The following MFN1 variants were observed in gnomAD, a reference collection of about 807,000 sequenced individuals.
MFN1 encodes mitofusin 1, also known as mitofusin-1.
MFN1 carries 65 observed loss-of-function variants against 92.4 expected under a neutral mutation model. The ratio of observed to expected loss-of-function variants is 0.70; its 90% CI spans 0.58 to 0.86. The LOEUF is 0.86. Among genes scored for constraint, MFN1 ranks in the 40% least tolerant of loss-of-function variants. The probability of loss-of-function intolerance (pLI) is 0.00; values close to 1 mark genes in which losing one functional copy is unlikely to be tolerated. For synonymous variants in MFN1, 297 were observed against 300.9 expected (o/e 0.99, Z 0.13); for missense variants, 781 against 868.0 (o/e 0.90, Z 1.26).
At position 179,394,408 on chromosome 3, in the gene MFN1, CTTTTTTTTTTTTTTTT is replaced by C. The variant is rs35345400; in HGVS notation, c.*2359_*2374del. ...GGAACAGTAAAATAACGAAAGCCAA[CTTTTTTTTTTTTTTTT>C]TTTTTTTTTGAGACGGAGTCTCGCT... On this transcript the variant is annotated 3_prime_UTR_variant, in exon 18 of 18. Coordinates refer to ENST00000471841, the MANE Select transcript of MFN1 (RefSeq NM_033540.3). 1.2e-5 allele frequency: 1 copy of C among 83,632 alleles called. No individual in the cohort carries two copies. Among genetic ancestry groups the C allele is most frequent in the Admixed American group, 1.7e-4 (1 of 5,894 alleles). The allele number at this position is 83,632 out of a possible 1,614,324, so 5.2% of individuals were successfully genotyped here.
chr3:179,390,954 A>C (rs1713876482), intron 17 of MFN1, among the ~76,000 whole-genome samples: 1 of 152,148 alleles, frequency 6.6e-6, no homozygotes, highest in South Asian at 2.1e-4. Flanking sequence ...CTGACCAACA[A>C]CACGTGTTCA....
At chr3:179,388,634 T>G (rs573513331) in intron 16 of MFN1, among the ~76,000 whole-genome samples, 6 of 152,202 alleles carry the variant, frequency 3.9e-5, no homozygotes, top group African/African-American at 1.4e-4. Flanking sequence ...ATAAGAAATA[T>G]AAGAGAAAGA....
intron 14 of MFN1, among the ~76,000 whole-genome samples, chr3:179,383,509 C>T (rs956924968): frequency 5.3e-5 from 8 of 152,144 alleles, no homozygotes; most frequent in Non-Finnish European, 8.8e-5. Flanking sequence ...TAGCGTGATG[C>T]CTCCAGCTTT....
intron 14 of MFN1, 106 bp from the exon 15 acceptor site, chr3:179,385,463 G>T: frequency 3.1e-6 from 3 of 980,668 alleles, no homozygotes; most frequent in African/African-American, 1.7e-5. Flanking sequence ...ATCATTTAGG[G>T]TAATTTTTCC....
intron 3 of MFN1, among the ~76,000 whole-genome samples, chr3:179,357,081 T>G (rs1337403337): frequency 6.6e-6 from 1 of 152,182 alleles, no homozygotes; most frequent in Admixed American, 6.5e-5. Context: ...CGCATGCTGA[T>G]CCATATCATT....
chr3:179,384,963 T>A (rs2108556339), intron 14 of MFN1, among the ~76,000 whole-genome samples: 1 of 141,700 alleles, frequency 7.1e-6, no homozygotes, highest in Admixed American at 7.8e-5. Flanking sequence ...TGGAGTGCAG[T>A]GGTGCAATCT....
intron 12 of MFN1, among the ~76,000 whole-genome samples, chr3:179,378,053 T>G (rs967720269): frequency 6.6e-6 from 1 of 151,452 alleles, no homozygotes; most frequent in African/African-American, 2.4e-5. Flanking sequence ...AGAGCAAAAC[T>G]CTATCTCAAA....
intron 8 of MFN1, 100 bp from the exon 9 acceptor site, chr3:179,367,934 GTA>G (rs143669422): frequency 0.016 from 6,514 of 399,988 alleles, no homozygotes; most frequent in Middle Eastern, 0.026. Flanking sequence ...GGGGGAAAAA[GTA>G]TATATATATA....
intron 6 of MFN1, 55 bp downstream of exon 6, chr3:179,364,460 T>C: frequency 6.7e-6 from 9 of 1,345,578 alleles, no homozygotes; most frequent in Non-Finnish European, 9.5e-6. Context: ...ATGGTATCTG[T>C]TTTAATTCTG....
At chr3:179,379,841 G>A (rs930621497) in intron 14 of MFN1, among the ~76,000 whole-genome samples, 5 of 152,024 alleles carry the variant, frequency 3.3e-5, no homozygotes, top group African/African-American at 1.2e-4. Context: ...CTAAAAGAAA[G>A]AACAACTTTC....
chr3:179,376,264 C>CG (rs1467699163), intron 10 of MFN1, among the ~76,000 whole-genome samples: 1 of 152,172 alleles, frequency 6.6e-6, no homozygotes, highest in Non-Finnish European at 1.5e-5. Flanking sequence ...GTACAGCCTC[C>CG]GTGTGGCCTC....
In MFN1 at chr3:179,377,468, AAAT is replaced by A. The variant is rs1713286385; in HGVS notation, c.1329+21_1329+23del. ...AAAAGTGTAAGTTAAAGTATAGATA[AAAT>A]TATTCAGAGACAGTTTCTTATTATT... On this transcript the variant is annotated intron_variant, in intron 12 of 17. Coordinates refer to ENST00000471841, the MANE Select transcript of MFN1 (RefSeq NM_033540.3). The A allele has an allele frequency of 5.7e-6, 8 of 1,413,002 alleles. No individual in the cohort carries two copies. The highest frequency in any genetic ancestry group is 7.9e-6 in the Non-Finnish European group (8 of 1,015,672). The allele number at this position is 1,413,002 out of a possible 1,614,324, so 87.5% of individuals were successfully genotyped here.
At chr3:179,369,059 C>T (rs966939687) in intron 9 of MFN1, among the ~76,000 whole-genome samples, 4 of 152,152 alleles carry the variant, frequency 2.6e-5, no homozygotes, top group Non-Finnish European at 5.9e-5. Context: ...CCAGCTATCT[C>T]GATAAGATCT....
intron 7 of MFN1, among the ~76,000 whole-genome samples, chr3:179,366,777 G>A (rs1279783810): frequency 6.6e-6 from 1 of 152,098 alleles, no homozygotes; most frequent in Non-Finnish European, 1.5e-5. Context: ...TTAATATAGA[G>A]ATCTCTCATC....
intron 5 of MFN1, among the ~76,000 whole-genome samples, chr3:179,363,414 ATAAC>A (rs2108533298): frequency 6.6e-6 from 1 of 152,304 alleles, no homozygotes; most frequent in African/African-American, 2.4e-5. Context: ...ACATTTAAAA[ATAAC>A]TAAAAGAATA....
intron 3 of MFN1, among the ~76,000 whole-genome samples, chr3:179,358,104 G>A (rs1289524198): frequency 2.0e-5 from 3 of 148,468 alleles, no homozygotes; most frequent in Non-Finnish European, 4.4e-5. Flanking sequence ...AACCTGCATT[G>A]TCTTTTATGA....
In MFN1 at chr3:179,393,630, G is replaced by C. The variant is rs540890388; in HGVS notation, c.*1571G>C. On this transcript the variant is annotated 3_prime_UTR_variant, in exon 18 of 18. Transcript: ENST00000471841. Reference sequence around the variant, plus strand: ...TTAATTTTGGTGTTTAGCTTTTATTGCTCATTTATAACCCAAGAAATGGTA... The same window carrying C: ...TTAATTTTGGTGTTTAGCTTTTATTCCTCATTTATAACCCAAGAAATGGTA... 1 of 152,210 alleles carries C rather than the reference G, an allele frequency of 6.6e-6. No individual in the cohort carries two copies. Among genetic ancestry groups the C allele is most frequent in the Admixed American group, 6.5e-5 (1 of 15,284 alleles). 9.4% of individuals were successfully genotyped at this position (152,210 alleles called of 1,614,324 possible). A position where few individuals can be genotyped will look rare whatever the true frequency, so the allele number is the denominator to read the frequency against.
In MFN1 at chr3:179,351,945, A is replaced by T; in HGVS notation, c.158A>T (p.Asp53Val). 6.2e-7 allele frequency: 1 copy of T among 1,610,682 alleles called. No homozygotes were observed. Among genetic ancestry groups the T allele is most frequent in the Non-Finnish European group, 8.5e-7 (1 of 1,177,390 alleles). Residue 53 changes from aspartate (D) to valine (V), a missense_variant, in exon 3 of 18, where the codon GAT becomes GTT. Asp to Val is a radical substitution (Grantham distance 152). Coordinates refer to ENST00000471841, the MANE Select transcript of MFN1 (RefSeq NM_033540.3). ...CTTGATCGAATAGCCACTGAAGATGATCTGGTAGAAATGCAAGGATATAAA... is the reference window on the plus strand; with the variant it reads ...CTTGATCGAATAGCCACTGAAGATGTTCTGGTAGAAATGCAAGGATATAAA... The part of the protein sequence containing the change: ...PELDRIATED[D>V]LVEMQGYKDK...
intron 2 of MFN1, among the ~76,000 whole-genome samples, chr3:179,350,882 T>C (rs1712117396): frequency 6.6e-6 from 1 of 152,188 alleles, no homozygotes; most frequent in African/African-American, 2.4e-5. Context: ...TTTGAGACGA[T>C]GTCTCACTCT....
Sources: allele counts gnomAD v4.1 joint callset (sites outside exome capture counted in the v4.1 genomes callset), GRCh38; gene constraint gnomAD v4.1.1; transcripts MANE v1.5; gene names NCBI Gene and HGNC (gene_info 2026-07-23, HGNC 2026-07-21).